Variants in STT3B observed in about 807,000 individuals in gnomAD.
STT3B encodes dolichyl-diphosphooligosaccharide--protein glycosyltransferase subunit STT3B.
In STT3B, 29 loss-of-function variants were observed where a neutral mutation model predicts 96.8. The observed-to-expected ratio is 0.30, with a 90% CI of 0.22 to 0.41. The LOEUF (loss-of-function observed/expected upper bound fraction) is 0.41. Among genes scored for constraint, STT3B ranks in the 10% least tolerant of loss-of-function variants. The probability of loss-of-function intolerance (pLI) is 1.00; values close to 1 mark genes in which losing one functional copy is unlikely to be tolerated. For missense variants in STT3B, 640 were observed against 1,022.3 expected (o/e 0.63, Z 5.10); for synonymous variants, 367 against 360.0 (o/e 1.02, Z -0.22).
intron 3 of STT3B, among the ~76,000 whole-genome samples, chr3:31,583,916 A>G (rs771523903): frequency 3.1e-4 from 47 of 152,180 alleles, no homozygotes; most frequent in South Asian, 6.2e-4. Context: ...TGAATTTTAA[A>G]TTTTTATGAA....
chr3:31,551,232 T>TGG (rs1697550731), intron 1 of STT3B, among the ~76,000 whole-genome samples: 1 of 152,094 alleles, frequency 6.6e-6, no homozygotes, highest in South Asian at 2.1e-4. Flanking sequence ...TTTGTTTGGT[T>TGG]TTTGATAGGG....
intron 3 of STT3B, among the ~76,000 whole-genome samples, chr3:31,589,281 T>C (rs976883161): frequency 6.6e-6 from 1 of 152,096 alleles, no homozygotes; most frequent in African/African-American, 2.4e-5. Context: ...TTAACTTTCA[T>C]GTATTAACCT....
chr3:31,591,072 G>A (rs1176085228), intron 3 of STT3B, among the ~76,000 whole-genome samples: 2 of 151,982 alleles, frequency 1.3e-5, no homozygotes, highest in Non-Finnish European at 2.9e-5. Context: ...CAATATGGTT[G>A]GAGATTTCAA....
chr3:31,562,083 C>T (rs534993341), intron 1 of STT3B, among the ~76,000 whole-genome samples: 7 of 152,214 alleles, frequency 4.6e-5, no homozygotes, highest in Middle Eastern at 3.4e-3. Context: ...ATGCCAGTGA[C>T]AGCGTTCGTG....
At chr3:31,537,100 C>T (rs6785354) in intron 1 of STT3B, among the ~76,000 whole-genome samples, 103,118 of 152,082 alleles carry the variant, frequency 0.68, 35,956 homozygotes, top group Non-Finnish European at 0.76. Flanking sequence ...ATGCAGCAGA[C>T]GCCTTTTTGC....
chr3:31,544,088 G>A (rs1316883353), intron 1 of STT3B, among the ~76,000 whole-genome samples: 1 of 152,186 alleles, frequency 6.6e-6, no homozygotes, highest in Admixed American at 6.5e-5. Context: ...TGCATACATA[G>A]GCATTAGTTA....
intron 1 of STT3B, among the ~76,000 whole-genome samples, chr3:31,547,199 C>T (rs57867868): frequency 0.053 from 8,064 of 152,158 alleles, 732 homozygotes; most frequent in African/African-American, 0.18. Flanking sequence ...ATCTGCCCTC[C>T]TTATTCCTCA....
rs1389819258 is a variant in STT3B, at chr3:31,545,626, T to C, written c.314+12314T>C. Among the ~76,000 whole-genome samples the C allele has an allele frequency of 5.8e-4, 55 of 94,906 alleles. No individual in the cohort carries two copies. In the Admixed American group the frequency reaches 6.1e-3, roughly 11 times the overall value. 62.3% of individuals were successfully genotyped at this position (94,906 alleles called of 152,430 possible). ...CTGGCTGTGTTTCTTCTTTAGCCTG[T>C]CCCCTTAGTTTCCCCCTTAGCACTA... On this transcript the variant is annotated intron_variant, in intron 1 of 15. Coordinates refer to ENST00000295770, the MANE Select transcript of STT3B (RefSeq NM_178862.3).
chr3:31,536,477 A>C (rs1488905634), intron 1 of STT3B, among the ~76,000 whole-genome samples: 1 of 152,180 alleles, frequency 6.6e-6, no homozygotes, highest in Non-Finnish European at 1.5e-5. Flanking sequence ...CATTTCTGCA[A>C]GTCGTTTTAG....
rs946149048 is a variant in STT3B, at chr3:31,629,228, A to G, written c.2074-70A>G. 8.0e-6 allele frequency: 7 copies of G among 869,814 alleles called. No individual in the cohort carries two copies. The African/African-American group carries it at 1.2e-4, about 15-fold the overall frequency. 53.9% of individuals were successfully genotyped at this position (869,814 alleles called of 1,614,324 possible). A position where few individuals can be genotyped will look rare whatever the true frequency, so the allele number is the denominator to read the frequency against. On this transcript the variant is annotated intron_variant, in intron 13 of 15. Coordinates refer to ENST00000295770, the MANE Select transcript of STT3B (RefSeq NM_178862.3). The stretch of plus-strand genomic sequence containing the variant: ...AGAAGCTTATTCTTACAGGGAAATG[A>G]AAAGAGGAAACTGTAGCTTTGAATA...
At chr3:31,627,664 A>G (rs774498124) in intron 13 of STT3B, among the ~76,000 whole-genome samples, 1 of 152,220 alleles carries the variant, frequency 6.6e-6, no homozygotes, top group Non-Finnish European at 1.5e-5. Context: ...TCAAATGTCA[A>G]TGCTGTAATG....
chr3:31,554,760 C>T (rs1697662381), intron 1 of STT3B, among the ~76,000 whole-genome samples: 1 of 152,122 alleles, frequency 6.6e-6, no homozygotes, highest in South Asian at 2.1e-4. Flanking sequence ...TCTTACAGAC[C>T]CTCACCCAGA....
intron 7 of STT3B, 118 bp downstream of exon 7, chr3:31,617,193 T>C (rs532126578): frequency 2.8e-5 from 23 of 811,574 alleles, no homozygotes; most frequent in Admixed American, 6.3e-5. Context: ...TTTCTTTTTT[T>C]TTTTTTTTGA....
chr3:31,624,952 T>G lies in STT3B; in HGVS notation c.1766T>G (p.Phe589Cys). ...TTAGATGATTTTAGAGAAGCTTACTTTTGGCTAAGGCAAAATACAGATGAA... is the reference window on the plus strand; with the variant it reads ...TTAGATGATTTTAGAGAAGCTTACTGTTGGCTAAGGCAAAATACAGATGAA... Reference protein sequence around the residue: ...NILDDFREAYFWLRQNTDEHA... With the variant: ...NILDDFREAYCWLRQNTDEHA... The change falls in exon 12 of 16, where the codon TTT becomes TGT. Residue 589 changes from phenylalanine to cysteine, a missense_variant. Coordinates refer to ENST00000295770, the MANE Select transcript of STT3B (RefSeq NM_178862.3). 6.2e-7 allele frequency: 1 copy of G among 1,613,534 alleles called. No homozygotes were observed. The highest frequency in any genetic ancestry group is 8.5e-7 in the Non-Finnish European group (1 of 1,179,698).
intron 5 of STT3B, among the ~76,000 whole-genome samples, chr3:31,605,031 T>C (rs72856054): frequency 6.6e-6 from 1 of 152,198 alleles, no homozygotes; most frequent in African/African-American, 2.4e-5. Flanking sequence ...TGAAAGGTGC[T>C]TAATAATAGA....
chr3:31,617,517 G>A (rs148782057), intron 7 of STT3B, among the ~76,000 whole-genome samples: 19 of 152,038 alleles, frequency 1.2e-4, no homozygotes, highest in South Asian at 1.0e-3. Context: ...TGTAAAAGCC[G>A]TGAGTGTTTA....
intron 1 of STT3B, among the ~76,000 whole-genome samples, chr3:31,547,210 A>AT (rs1302947981): frequency 6.6e-6 from 1 of 151,862 alleles, no homozygotes; most frequent in African/African-American, 2.4e-5. Flanking sequence ...TTATTCCTCA[A>AT]TTTTTTTTCC....
Position 31,622,311 on chromosome 3 carries a change from G to A in STT3B, c.1539+3G>A. The A allele has an allele frequency of 1.2e-6, 2 of 1,612,966 alleles. No individual in the cohort carries two copies. The highest frequency in any genetic ancestry group is 1.7e-6 in the Non-Finnish European group (2 of 1,179,148). ...ACCAAGGAAATTTGTATGATAAGGT[G>A]GGGAATCTAAAGTAAGGCCTTTAAA... On this transcript the variant is annotated splice_donor_region_variant and intron_variant, in intron 10 of 15. Transcript: ENST00000295770.
At chr3:31,558,706 CT>C (rs1326873409) in intron 1 of STT3B, among the ~76,000 whole-genome samples, 1 of 152,110 alleles carries the variant, frequency 6.6e-6, no homozygotes, top group East Asian at 1.9e-4. Context: ...ATTCCCTCCC[CT>C]TCAGTTGTTT....
Sources: allele counts gnomAD v4.1 joint callset (sites outside exome capture counted in the v4.1 genomes callset), GRCh38; gene constraint gnomAD v4.1.1; transcripts MANE v1.5; gene names NCBI Gene and HGNC (gene_info 2026-07-23, HGNC 2026-07-21).